The following ZCCHC17 variants were observed in gnomAD, a reference collection of about 807,000 sequenced individuals.
ZCCHC17 encodes the protein zinc finger CCHC domain-containing protein 17.
ZCCHC17 carries 18 observed loss-of-function variants against 30.6 expected under a neutral mutation model. The observed-to-expected ratio is 0.59, with a 90% confidence interval of 0.41 to 0.87. ZCCHC17 has a LOEUF of 0.87. ZCCHC17 is among the 40% of genes least tolerant of loss of function. The pLI is 0.00. For missense variants in ZCCHC17, 263 were observed against 284.2 expected (o/e 0.93, Z 0.54); for synonymous variants, 88 against 92.4 (o/e 0.95, Z 0.27).
intron 2 of ZCCHC17, among the ~76,000 whole-genome samples, chr1:31,312,819 G>C (rs1428132657): frequency 6.6e-6 from 1 of 152,106 alleles, no homozygotes; most frequent in East Asian, 1.9e-4. Context: ...GAGTGCAATG[G>C]TGTGATCTCA....
chr1:31,347,016 A>G (rs527467168), intron 6 of ZCCHC17, among the ~76,000 whole-genome samples: 1 of 152,244 alleles, frequency 6.6e-6, no homozygotes, highest in South Asian at 2.1e-4. Flanking sequence ...ACCCCCATGA[A>G]CTATGCCAGG....
chr1:31,319,273 C>T (rs555838399), intron 3 of ZCCHC17, 107 bp downstream of exon 3: 34 of 941,500 alleles, frequency 3.6e-5, no homozygotes, highest in Non-Finnish European at 5.0e-5. Context: ...GTTTTTCATT[C>T]CTTTGTTTTC....
At position 31,319,566 on chromosome 1, in the gene ZCCHC17, A is replaced by C. The variant is rs75411770; in HGVS notation, c.124+400A>C. On this transcript the variant is annotated intron_variant, in intron 3 of 7. Transcript: ENST00000344147. Reference sequence around the variant, plus strand: ...TATTGCAAGTGATACAAACATATATAATATATATAATGTTTTAAGTTTTTT... The same window carrying C: ...TATTGCAAGTGATACAAACATATATCATATATATAATGTTTTAAGTTTTTT... Among the ~76,000 whole-genome samples the C allele has an allele frequency of 7.8e-3, 1,188 of 152,248 alleles. 15 individuals carry two copies. The highest frequency in any genetic ancestry group is 0.027 in the African/African-American group (1,114 of 41,536).
chr1:31,351,149 C>T (rs1310003371), intron 7 of ZCCHC17, among the ~76,000 whole-genome samples: 1 of 152,182 alleles, frequency 6.6e-6, no homozygotes, highest in African/African-American at 2.4e-5. Flanking sequence ...TATATTATTA[C>T]CTATTAATGT....
At chr1:31,330,230 G>A (rs377184959) in intron 3 of ZCCHC17, among the ~76,000 whole-genome samples, 19 of 152,296 alleles carry the variant, frequency 1.2e-4, no homozygotes, top group African/African-American at 4.6e-4. Flanking sequence ...CGGTTTTAAG[G>A]GGACTATAAT....
At chr1:31,352,812 A>G (rs1028261600) in intron 7 of ZCCHC17, among the ~76,000 whole-genome samples, 4 of 152,184 alleles carry the variant, frequency 2.6e-5, no homozygotes, top group Admixed American at 1.3e-4. Context: ...GGCTGCTTCC[A>G]TATTCTGGCT....
chr1:31,338,640 A>G (rs1336145071), intron 4 of ZCCHC17, among the ~76,000 whole-genome samples: 1 of 152,214 alleles, frequency 6.6e-6, no homozygotes, highest in African/African-American at 2.4e-5. Context: ...GGATATCTCA[A>G]CAAATCACTA....
intron 7 of ZCCHC17, among the ~76,000 whole-genome samples, chr1:31,363,182 CTT>C (rs374893533): frequency 1.4e-4 from 19 of 135,618 alleles, no homozygotes; most frequent in East Asian, 1.3e-3. Context: ...ATGTCTTATA[CTT>C]TTTTTTTTTT....
Position 31,322,628 on chromosome 1 carries a change from T to C in ZCCHC17, c.124+3462T>C, listed in dbSNP as rs1022952313. Among the ~76,000 whole-genome samples, 9 of 152,306 alleles carry C rather than the reference T, an allele frequency of 5.9e-5. No individual in the cohort carries two copies. The East Asian group carries it at 9.6e-4, about 16-fold the overall frequency. ...AGGGGTTTATATGGAGGATCTGTTATATAGACATGGTTGATTAAATTATTG... is the reference window on the plus strand; with the variant it reads ...AGGGGTTTATATGGAGGATCTGTTACATAGACATGGTTGATTAAATTATTG... On this transcript the variant is annotated intron_variant, in intron 3 of 7. Transcript: ENST00000344147.
At chr1:31,331,315 A>G (rs2148444569) in intron 3 of ZCCHC17, among the ~76,000 whole-genome samples, 1 of 147,184 alleles carries the variant, frequency 6.8e-6, no homozygotes, top group African/African-American at 2.5e-5. Context: ...TAATTTTTGT[A>G]TTTTTTTTTT....
In ZCCHC17 at chr1:31,364,190, G is replaced by A. The variant is rs773159010; in HGVS notation, c.723G>A (p.Glu241=). The A allele has an allele frequency of 1.6e-5, 25 of 1,612,856 alleles. No individual in the cohort carries two copies. Among genetic ancestry groups the A allele is most frequent in the Non-Finnish European group, 1.7e-5 (20 of 1,179,728 alleles). The change falls in exon 8 of 8, where the codon GAG becomes GAA. Residue 241 remains glutamate (E), a synonymous_variant. Transcript: ENST00000344147. ...AGAAGCACAAGAAGAAGCACAAGGA[G>A]TGAGAGTATAAAGAGTGTAGGGGGT... ...KKKKHKKKHK[E]
At chr1:31,357,211 CCTG>C (rs1639675594) in intron 7 of ZCCHC17, among the ~76,000 whole-genome samples, 1 of 152,138 alleles carries the variant, frequency 6.6e-6, no homozygotes, top group Non-Finnish European at 1.5e-5. Flanking sequence ...TTGGCTCTGT[CCTG>C]CTGTCCAGAG....
intron 7 of ZCCHC17, among the ~76,000 whole-genome samples, chr1:31,360,236 C>T (rs1326896114): frequency 1.1e-4 from 16 of 151,340 alleles, no homozygotes; most frequent in Admixed American, 1.1e-3. Context: ...GTGGCGCGAT[C>T]TTGGCTCACC....
chr1:31,303,894 G>T (rs928732822), intron 1 of ZCCHC17, among the ~76,000 whole-genome samples: 2 of 152,022 alleles, frequency 1.3e-5, no homozygotes, highest in Non-Finnish European at 2.9e-5. Context: ...ACCCATTCTG[G>T]GCTGCTCCAG....
intron 3 of ZCCHC17, among the ~76,000 whole-genome samples, chr1:31,335,673 AT>A (rs1429469525): frequency 1.3e-5 from 2 of 152,072 alleles, no homozygotes; most frequent in African/African-American, 4.8e-5. Context: ...CAATTATTTC[AT>A]TTTAAATTAT....
chr1:31,323,422 C>T (rs1646908544), intron 3 of ZCCHC17, among the ~76,000 whole-genome samples: 1 of 151,920 alleles, frequency 6.6e-6, no homozygotes, highest in African/African-American at 2.4e-5. Context: ...CCTGGGTTCA[C>T]GCCATTCTCC....
chr1:31,307,412 C>CT (rs1183496022), intron 1 of ZCCHC17, among the ~76,000 whole-genome samples: 410 of 141,630 alleles, frequency 2.9e-3, no homozygotes, highest in Middle Eastern at 7.2e-3. Flanking sequence ...CTGCTTTAGA[C>CT]TTTTTTTTTT....
intron 1 of ZCCHC17, among the ~76,000 whole-genome samples, chr1:31,303,360 GCTTA>G (rs1349621742): frequency 7.9e-5 from 12 of 152,132 alleles, no homozygotes; most frequent in South Asian, 2.1e-4. Flanking sequence ...GTTTTAGTTA[GCTTA>G]CTTTGCTCAC....
chr1:31,336,676 T>C (rs1324843082), intron 3 of ZCCHC17, among the ~76,000 whole-genome samples: 1 of 151,368 alleles, frequency 6.6e-6, no homozygotes, highest in East Asian at 2.0e-4. Flanking sequence ...TATTTACTTA[T>C]TTTTTTGAAC....
Sources: allele counts gnomAD v4.1 joint callset (sites outside exome capture counted in the v4.1 genomes callset), GRCh38; gene constraint gnomAD v4.1.1; transcripts MANE v1.5; gene names NCBI Gene and HGNC (gene_info 2026-07-23, HGNC 2026-07-21).